Variants in ZCWPW2 observed in about 807,000 individuals in gnomAD.
ZCWPW2 encodes zinc finger CW-type and PWWP domain containing 2, also known as zinc finger CW-type PWWP domain protein 2.
ZCWPW2 carries 45 observed loss-of-function variants against 46.6 expected under a neutral mutation model. That is an observed-to-expected ratio of 0.96 (90% CI 0.76 to 1.24). ZCWPW2 has a LOEUF of 1.24. ZCWPW2 is among the 50% of genes most tolerant of loss of function. The pLI, the probability that ZCWPW2 is intolerant of heterozygous loss-of-function variation, is 0.00. For missense variants in ZCWPW2, 429 were observed against 403.9 expected (o/e 1.06, Z -0.53); for synonymous variants, 152 against 137.1 (o/e 1.11, Z -0.76).
chr3:28,450,744 T>G (rs917852844), intron 4 of ZCWPW2, among the ~76,000 whole-genome samples: 3 of 152,172 alleles, frequency 2.0e-5, no homozygotes, highest in Non-Finnish European at 2.9e-5. Context: ...AGAACTATTT[T>G]GGGGGGTACC....
chr3:28,469,024 G>C (rs1403074964), intron 4 of ZCWPW2, among the ~76,000 whole-genome samples: 1 of 152,108 alleles, frequency 6.6e-6, no homozygotes, highest in African/African-American at 2.4e-5. Flanking sequence ...TCAAGACATA[G>C]AGAGTAAAAT....
chr3:28,406,623 T>A (rs1202270504), intron 2 of ZCWPW2, among the ~76,000 whole-genome samples: 1 of 152,040 alleles, frequency 6.6e-6, no homozygotes, highest in African/African-American at 2.4e-5. Context: ...ATACTCTTAG[T>A]TTTAAACAGA....
At chr3:28,394,437 A>T (rs1412573802) in intron 2 of ZCWPW2, among the ~76,000 whole-genome samples, 1 of 152,168 alleles carries the variant, frequency 6.6e-6, no homozygotes, top group Non-Finnish European at 1.5e-5. Flanking sequence ...CTCCTTTGGA[A>T]CCATGAAAGA....
chr3:28,433,092 TACACAC>T (rs71626517), intron 3 of ZCWPW2, among the ~76,000 whole-genome samples: 1 of 148,834 alleles, frequency 6.7e-6, no homozygotes, highest in African/African-American at 2.5e-5. Context: ...AGCATATTCT[TACACAC>T]ACACACACAC....
chr3:28,474,126 A>C (rs970915294), intron 4 of ZCWPW2, among the ~76,000 whole-genome samples: 1 of 152,222 alleles, frequency 6.6e-6, no homozygotes, highest in Non-Finnish European at 1.5e-5. Context: ...AAGATACCTT[A>C]TGTAACCCAT....
intron 1 of ZCWPW2, among the ~76,000 whole-genome samples, chr3:28,356,342 A>C (rs567703534): frequency 6.6e-6 from 1 of 151,284 alleles, no homozygotes; most frequent in Admixed American, 6.6e-5. Context: ...CATTAAATAA[A>C]GTCAGGAAAC....
chr3:28,439,893 C>T (rs1483673539), intron 4 of ZCWPW2, among the ~76,000 whole-genome samples: 1 of 152,206 alleles, frequency 6.6e-6, no homozygotes, highest in Non-Finnish European at 1.5e-5. Flanking sequence ...TGCAGCTGGT[C>T]ATGTGGTTGT....
chr3:28,514,550 G>T (rs1006888828), intron 7 of ZCWPW2, among the ~76,000 whole-genome samples: 8 of 152,108 alleles, frequency 5.3e-5, no homozygotes, highest in African/African-American at 1.9e-4. Context: ...ATTGGAAACA[G>T]AATCTCACAA....
chr3:28,413,955 G>A (rs1041393581), intron 3 of ZCWPW2, among the ~76,000 whole-genome samples: 1 of 151,846 alleles, frequency 6.6e-6, no homozygotes, highest in Admixed American at 6.6e-5. Context: ...TTTTTCTTTA[G>A]ATTTATGTAG....
intron 4 of ZCWPW2, among the ~76,000 whole-genome samples, chr3:28,464,658 G>A (rs947609893): frequency 2.6e-5 from 4 of 152,130 alleles, no homozygotes; most frequent in Non-Finnish European, 4.4e-5. Context: ...GAACATAGTG[G>A]GGGAGAAGAA....
chr3:28,481,766 G>C (rs1699437328), intron 5 of ZCWPW2, among the ~76,000 whole-genome samples: 1 of 151,836 alleles, frequency 6.6e-6, no homozygotes, highest in African/African-American at 2.4e-5. Flanking sequence ...TTTTATTTGA[G>C]AAAAAATTTA....
At chr3:28,404,678 A>G (rs142041399) in intron 2 of ZCWPW2, among the ~76,000 whole-genome samples, 1,670 of 152,330 alleles carry the variant, frequency 0.011, 14 homozygotes, top group Non-Finnish European at 0.016. Flanking sequence ...TGATATATAT[A>G]TAATGAAATA....
chr3:28,431,437 T>C (rs2125759273), intron 3 of ZCWPW2, among the ~76,000 whole-genome samples: 1 of 152,266 alleles, frequency 6.6e-6, no homozygotes, highest in South Asian at 2.1e-4. Flanking sequence ...TGCAGATGGC[T>C]ATTTTCTTGC....
rs574245730 is a variant in ZCWPW2, at chr3:28,455,357, T to G, written c.492+20088T>G. ...GTTTGTTATTTTCTTATAAATTTGT[T>G]TAAGTTCTCATAGATGGTGGATATT... is the stretch of plus-strand genomic sequence containing the variant. On this transcript the variant is annotated intron_variant, in intron 4 of 9. Coordinates refer to ENST00000383768, the MANE Select transcript of ZCWPW2 (RefSeq NM_001040432.4). 3.3e-5 allele frequency among the ~76,000 whole-genome samples: 5 copies of G among 152,354 alleles called. No homozygotes were observed. The South Asian group carries it at 1.0e-3, about 32-fold the overall frequency.
chr3:28,359,274 C>G (rs1440611081), intron 1 of ZCWPW2, among the ~76,000 whole-genome samples: 1 of 152,022 alleles, frequency 6.6e-6, no homozygotes, highest in Non-Finnish European at 1.5e-5. Context: ...AAAAATATAA[C>G]TGTTTTTTGA....
intron 4 of ZCWPW2, among the ~76,000 whole-genome samples, chr3:28,450,079 A>G (rs540569396): frequency 4.5e-4 from 68 of 152,342 alleles, no homozygotes; most frequent in Middle Eastern, 3.4e-3. Context: ...GAAAAGGGCC[A>G]GGCATAAGCA....
intron 2 of ZCWPW2, among the ~76,000 whole-genome samples, chr3:28,401,289 G>T (rs1432384554): frequency 6.6e-6 from 1 of 152,130 alleles, no homozygotes; most frequent in Admixed American, 6.5e-5. Context: ...AACATTGAAT[G>T]TAAATGGCCT....
chr3:28,469,197 A>G (rs1326210561), intron 4 of ZCWPW2, among the ~76,000 whole-genome samples: 1 of 152,128 alleles, frequency 6.6e-6, no homozygotes, highest in Non-Finnish European at 1.5e-5. Flanking sequence ...CCTCATGGTA[A>G]TCACAAATCA....
intron 1 of ZCWPW2, among the ~76,000 whole-genome samples, chr3:28,373,423 T>C (rs1705403595): frequency 6.6e-6 from 1 of 152,150 alleles, no homozygotes; most frequent in African/African-American, 2.4e-5. Context: ...TTGAGCCTTT[T>C]TTCATATACC....
Sources: gnomAD v4.1 joint callset for allele counts (sites outside exome capture counted in the v4.1 genomes callset) on GRCh38, gnomAD v4.1.1 for gene constraint, MANE v1.5 for transcripts, NCBI Gene and HGNC (gene_info 2026-07-23, HGNC 2026-07-21) for gene names.